The following ZC3H14 variants were observed in gnomAD, a reference collection of about 807,000 sequenced individuals.
ZC3H14 encodes zinc finger CCCH-type containing 14.
ZC3H14 carries 31 observed loss-of-function variants against 92.4 expected under a neutral mutation model. The ratio of observed to expected loss-of-function variants is 0.34; its 90% confidence interval spans 0.25 to 0.45. The LOEUF (loss-of-function observed/expected upper bound fraction) is 0.45. ZC3H14 is among the 20% of genes least tolerant of loss of function. The pLI is 1.00. For synonymous variants in ZC3H14, 321 were observed against 300.9 expected, an observed-to-expected ratio of 1.07 and a Z score of -0.69; for missense variants, 781 against 897.3, an observed-to-expected ratio of 0.87 and a Z score of 1.66.
At position 88,588,033 on chromosome 14, in the gene ZC3H14, T is replaced by A. The variant is rs971732803; in HGVS notation, c.1280-8701T>A. ...GTGTGGGAACTCTCTAGAGTTTTTT[T>A]AATTTTTCCCCCTTTTTTGTTTCCC... On this transcript the variant is annotated intron_variant, in intron 9 of 16. Coordinates refer to ENST00000251038, the MANE Select transcript of ZC3H14 (RefSeq NM_024824.5). 7.9e-5 allele frequency among the ~76,000 whole-genome samples: 12 copies of A among 152,204 alleles called. No individual in the cohort carries two copies. The East Asian group carries it at 9.6e-4, about 12-fold the overall frequency.
At position 88,611,735 on chromosome 14, in the gene ZC3H14, G is replaced by A. The variant is rs760706677; in HGVS notation, c.2205-10G>A. 1.9e-6 allele frequency: 3 copies of A among 1,613,976 alleles called. No homozygotes were observed. The highest frequency in any genetic ancestry group is 2.5e-6 in the Non-Finnish European group (3 of 1,179,926). ...GATAATTAAAACAATTTTTGGTTCT[G>A]TTCATTCAGCGAATAGCACCCAGTC... On this transcript the variant is annotated splice_polypyrimidine_tract_variant and intron_variant, in intron 16 of 16. Transcript: ENST00000251038.
chr14:88,594,766 A>G, intron 9 of ZC3H14: 1 of 1,614,040 alleles, frequency 6.2e-7, no homozygotes, highest in Non-Finnish European at 8.5e-7. Context: ...ACCTCTACCA[A>G]TTTTTCTTCC....
At position 88,626,441 on chromosome 14, in the gene ZC3H14, G is replaced by A. The variant is rs957349241; in HGVS notation, c.*14690G>A. Reference sequence around the variant, plus strand: ...CTTGAGACCACCTAGGCAACATAGCGAAACCCTGTCTCTACTAAAAATGAA... The same window carrying A: ...CTTGAGACCACCTAGGCAACATAGCAAAACCCTGTCTCTACTAAAAATGAA... On this transcript the variant is annotated 3_prime_UTR_variant, in exon 17 of 17. Transcript: ENST00000251038. The A allele has an allele frequency of 5.4e-5, 10 of 183,946 alleles. No individual in the cohort carries two copies. The highest frequency in any genetic ancestry group is 1.1e-4 in the South Asian group (1 of 8,702). The allele number at this position is 183,946 out of a possible 1,614,324, so 11.4% of individuals were successfully genotyped here. A position where few individuals can be genotyped will look rare whatever the true frequency, so the allele number is the denominator to read the frequency against.
At chr14:88,601,295 T>G (rs2084614277) in intron 10 of ZC3H14, among the ~76,000 whole-genome samples, 1 of 152,232 alleles carries the variant, frequency 6.6e-6, no homozygotes, top group African/African-American at 2.4e-5. Context: ...TATTGATAGG[T>G]CAGCCATTCT....
chr14:88,578,716 C>G (rs1294446316), intron 9 of ZC3H14, among the ~76,000 whole-genome samples: 1 of 150,638 alleles, frequency 6.6e-6, no homozygotes, highest in Non-Finnish European at 1.5e-5. Context: ...TCTCTGACCT[C>G]CCATATGTGT....
chr14:88,616,288 A>T lies in ZC3H14; in HGVS notation c.*4537A>T. 1 of 1,560,632 alleles carries T rather than the reference A, an allele frequency of 6.4e-7. No individual in the cohort carries two copies. On this transcript the variant is annotated 3_prime_UTR_variant, in exon 17 of 17. Transcript: ENST00000251038. The stretch of plus-strand genomic sequence containing the variant: ...AGCTCAGGGCATTTGGTGCACACAG[A>T]AGTCAAAGGCTCTTATTAGGAACTA...
chr14:88,574,866 T>A lies in ZC3H14; in HGVS notation c.1022+13T>A. 1.2e-6 allele frequency: 2 copies of A among 1,614,172 alleles called. No individual in the cohort carries two copies. Among genetic ancestry groups the A allele is most frequent in the Non-Finnish European group, 1.7e-6 (2 of 1,180,006 alleles). ...AGCCTGAAAGGAGGTACCTTGAACA[T>A]GGCTGTAAATTAATCTTTAACTGCC... On this transcript the variant is annotated intron_variant, in intron 7 of 16. Transcript: ENST00000251038.
At position 88,626,929 on chromosome 14, in the gene ZC3H14, AG is replaced by A; in HGVS notation, c.*15181del. ...TTTGCTAAGAAGAGCTCTTCCTGCC[AG>A]GGTCCAGAACTTCACATGTTTTACT... On this transcript the variant is annotated 3_prime_UTR_variant, in exon 17 of 17. Transcript: ENST00000251038. 6.2e-7 allele frequency: 1 copy of A among 1,614,006 alleles called. No homozygotes were observed.
rs1270277994 is a variant in ZC3H14, at chr14:88,619,417, A to C, written c.*7666A>C. On this transcript the variant is annotated 3_prime_UTR_variant, in exon 17 of 17. Transcript: ENST00000251038. ...TTTTAAATAGAGGCGGGGTCTCACT[A>C]TGGTCCCAAACTCCTGGCCTCAAGC... 2 of 152,302 alleles carry C rather than the reference A, an allele frequency of 1.3e-5. No individual in the cohort carries two copies. Among genetic ancestry groups the C allele is most frequent in the Non-Finnish European group, 2.9e-5 (2 of 68,164 alleles). The allele number at this position is 152,302 out of a possible 1,614,324, so 9.4% of individuals were successfully genotyped here.
rs187792609 is a variant in ZC3H14 at position 88,596,685 on chromosome 14, G to T, written c.1280-49G>T. ...ATTGATTTTTGGGAACCACATGCTGGTATTGTCTGTGTTGTAAGCTTAGTG... is the reference window on the plus strand; with the variant it reads ...ATTGATTTTTGGGAACCACATGCTGTTATTGTCTGTGTTGTAAGCTTAGTG... On this transcript the variant is annotated intron_variant, in intron 9 of 16. Transcript: ENST00000251038. The T allele has an allele frequency of 2.0e-6, 3 of 1,509,738 alleles. No homozygotes were observed. In the Admixed American group the frequency reaches 5.0e-5, roughly 25 times the overall value. The allele number at this position is 1,509,738 out of a possible 1,614,324, so 93.5% of individuals were successfully genotyped here.
At chr14:88,573,794 T>G (rs2080801498) in intron 6 of ZC3H14, 1 of 152,280 alleles carries the variant, frequency 6.6e-6, no homozygotes, top group East Asian at 1.9e-4. Context: ...TTTTGTATTT[T>G]TAGTAGAGAT....
At chr14:88,586,685 A>G (rs564007367) in intron 9 of ZC3H14, 6 of 152,316 alleles carry the variant, frequency 3.9e-5, no homozygotes, top group Non-Finnish European at 8.8e-5. Flanking sequence ...CCTGTTTGGT[A>G]TAATGTATGG....
At chr14:88,576,740 T>C (rs1489526396) in intron 8 of ZC3H14, among the ~76,000 whole-genome samples, 1 of 152,184 alleles carries the variant, frequency 6.6e-6, no homozygotes, top group African/African-American at 2.4e-5. Flanking sequence ...TCTCGCTTTT[T>C]TTTGTGACCC....
intron 10 of ZC3H14, among the ~76,000 whole-genome samples, chr14:88,599,299 T>G (rs904989050): frequency 1.3e-5 from 2 of 152,244 alleles, no homozygotes; most frequent in African/African-American, 4.8e-5. Flanking sequence ...CCCTGAGTTC[T>G]TAATCATCTG....
chr14:88,567,734 T>G, intron 2 of ZC3H14: 1 of 380,758 alleles, frequency 2.6e-6, no homozygotes, highest in Admixed American at 3.7e-5. Context: ...CCCATAAGCT[T>G]CTTTGAAATT....
rs1457798889 is a variant in ZC3H14, at chr14:88,614,532, GATCT to G, written c.*2784_*2787del. On this transcript the variant is annotated 3_prime_UTR_variant, in exon 17 of 17. Coordinates refer to ENST00000251038, the MANE Select transcript of ZC3H14 (RefSeq NM_024824.5). The stretch of plus-strand genomic sequence containing the variant: ...AAATGGGATTCCAGGAACCTAAAGC[GATCT>G]ATTATGCTATAAAGATAATTAACAC... 6.6e-6 allele frequency: 1 copy of G among 152,096 alleles called. No homozygotes were observed. The highest frequency in any genetic ancestry group is 1.5e-5 in the Non-Finnish European group (1 of 68,008). 9.4% of individuals were successfully genotyped at this position (152,096 alleles called of 1,614,324 possible). A position where few individuals can be genotyped will look rare whatever the true frequency, so the allele number is the denominator to read the frequency against.
At chr14:88,574,977 A>C in intron 7 of ZC3H14, 124 bp downstream of exon 7, 2 of 1,451,656 alleles carry the variant, frequency 1.4e-6, no homozygotes, top group Non-Finnish European at 1.9e-6. Flanking sequence ...CGCTCTGTCA[A>C]CCAGGCTGGA....
At position 88,622,500 on chromosome 14, in the gene ZC3H14, T is replaced by C. The variant is rs140228839; in HGVS notation, c.*10749T>C. 1.0e-5 allele frequency: 9 copies of C among 873,102 alleles called. No individual in the cohort carries two copies. The highest frequency in any genetic ancestry group is 1.5e-5 in the Non-Finnish European group (9 of 609,938). 54.1% of individuals were successfully genotyped at this position (873,102 alleles called of 1,614,324 possible). A position where few individuals can be genotyped will look rare whatever the true frequency, so the allele number is the denominator to read the frequency against. On this transcript the variant is annotated 3_prime_UTR_variant, in exon 17 of 17. Coordinates refer to ENST00000251038, the MANE Select transcript of ZC3H14 (RefSeq NM_024824.5). ...ATGTTGGCAAGCAAATCCATCGTTA[T>C]GCATTATTAAGTATTGTTCATTAGG...
chr14:88,566,195 A>G (rs1282289312), intron 2 of ZC3H14, among the ~76,000 whole-genome samples: 5 of 151,418 alleles, frequency 3.3e-5, no homozygotes, highest in African/African-American at 1.2e-4. Context: ...TTTTTTTTGG[A>G]AAATTTAATA....
Sources: allele counts gnomAD v4.1 joint callset (sites outside exome capture counted in the v4.1 genomes callset), GRCh38; gene constraint gnomAD v4.1.1; transcripts MANE v1.5; gene names NCBI Gene and HGNC (gene_info 2026-07-23, HGNC 2026-07-21).